The following SERPINB9 variants were observed in gnomAD, a reference collection of about 807,000 sequenced individuals.
SERPINB9 encodes serpin family B member 9, also known as serpin B9.
SERPINB9 carries 20 observed loss-of-function variants against 27.2 expected under a neutral mutation model. The ratio of observed to expected loss-of-function variants is 0.74; its 90% CI spans 0.52 to 1.07. The LOEUF (loss-of-function observed/expected upper bound fraction) is 1.07. Among genes scored for constraint, SERPINB9 ranks in the 50% least tolerant of loss-of-function variants. The pLI, the probability that SERPINB9 is intolerant of heterozygous loss-of-function variation, is 0.00. For synonymous variants in SERPINB9, 189 were observed against 180.0 expected (o/e 1.05, Z -0.40); for missense variants, 476 against 460.1 (o/e 1.03, Z -0.32).
In SERPINB9 at chr6:2,896,038, A is replaced by C. The variant is rs372431382; in HGVS notation, c.306+15T>G. ...TGTTGAATGCAACTTTTATTGTTCT[A>C]TTGATTCAACTTACTGAGAGGAACT... On this transcript the variant is annotated intron_variant, in intron 3 of 6. Transcript: ENST00000380698. The C allele has an allele frequency of 6.2e-7, 1 of 1,609,304 alleles. No individual in the cohort carries two copies.
chr6:2,892,544 T>C (rs997953140), intron 5 of SERPINB9, among the ~76,000 whole-genome samples: 1 of 152,154 alleles, frequency 6.6e-6, no homozygotes, highest in African/African-American at 2.4e-5. Flanking sequence ...ATAACTTTTT[T>C]AAAATACAGA....
At position 2,891,824 on chromosome 6, in the gene SERPINB9, G is replaced by A. The variant is rs201442974; in HGVS notation, c.723+9C>T. 8.8e-6 allele frequency: 14 copies of A among 1,584,766 alleles called. No homozygotes were observed. In the East Asian group the frequency reaches 1.1e-4, roughly 13 times the overall value. ...TGTCCCTGGGTTCTTCCCGCAGCCCGGGTCTTACCGTGCTGAGCTCCACGC... is the reference window on the plus strand; with the variant it reads ...TGTCCCTGGGTTCTTCCCGCAGCCCAGGTCTTACCGTGCTGAGCTCCACGC... On this transcript the variant is annotated intron_variant, in intron 6 of 6. Coordinates refer to ENST00000380698, the MANE Select transcript of SERPINB9 (RefSeq NM_004155.6). This position sits in a 1 kb window ranked among gnomAD's most constrained non-coding sequence, Gnocchi z 4.0.
At position 2,891,717 on chromosome 6, in the gene SERPINB9, G is replaced by A; in HGVS notation, c.723+116C>T. 8.1e-7 allele frequency: 1 copy of A among 1,239,634 alleles called. No homozygotes were observed. Among genetic ancestry groups the A allele is most frequent in the Non-Finnish European group, 1.1e-6 (1 of 904,228 alleles). The allele number at this position is 1,239,634 out of a possible 1,614,324, so 76.8% of individuals were successfully genotyped here. Reference sequence around the variant, plus strand: ...AGTTCGATCCCAACGCCAAGTGCCTGCACAGTGTGCGTCTGCCGCATCGCC... The same window carrying A: ...AGTTCGATCCCAACGCCAAGTGCCTACACAGTGTGCGTCTGCCGCATCGCC... On this transcript the variant is annotated intron_variant, in intron 6 of 6. Transcript: ENST00000380698. This position sits in a 1 kb window ranked among gnomAD's most constrained non-coding sequence, Gnocchi z 4.0.
chr6:2,900,885 T>TCTCTCTCACACACACACACA (rs61100591), intron 1 of SERPINB9, among the ~76,000 whole-genome samples: 276 of 141,558 alleles, frequency 1.9e-3, no homozygotes, highest in South Asian at 4.1e-3. Flanking sequence ...GCTCGCTCTC[T>TCTCTCTCACACACACACACA]CACACACACA....
chr6:2,892,105 TAAAAAA>T (rs535487251), intron 5 of SERPINB9, 117 bp from the exon 6 acceptor site: 36,023 of 113,838 alleles, frequency 0.32, 4,764 homozygotes, highest in Admixed American at 0.5. Flanking sequence ...CAGTTAACAC[TAAAAAA>T]AAAAAAAAAA....
chr6:2,899,470 A>AAAT (rs1768119879), intron 2 of SERPINB9, among the ~76,000 whole-genome samples: 2 of 152,194 alleles, frequency 1.3e-5, no homozygotes. Flanking sequence ...TTCGTTATTG[A>AAAT]TCTTTTTGCC....
At position 2,888,050 on chromosome 6, in the gene SERPINB9, T is replaced by C. The variant is rs1271353315; in HGVS notation, c.*2113A>G. 2 of 152,130 alleles carry C rather than the reference T, an allele frequency of 1.3e-5. No individual in the cohort carries two copies. The highest frequency in any genetic ancestry group is 2.9e-5 in the Non-Finnish European group (2 of 68,030). 9.4% of individuals were successfully genotyped at this position (152,130 alleles called of 1,614,324 possible). A position where few individuals can be genotyped will look rare whatever the true frequency, so the allele number is the denominator to read the frequency against. The stretch of plus-strand genomic sequence containing the variant: ...CATTATCTATCAAAGGGACTGGATG[T>C]CCCATCTAGTTTGTACTTTAGTTTC... On this transcript the variant is annotated 3_prime_UTR_variant, in exon 7 of 7. Transcript: ENST00000380698.
intron 2 of SERPINB9, 121 bp downstream of exon 2, chr6:2,900,323 G>T: frequency 1.6e-6 from 2 of 1,242,652 alleles, no homozygotes; most frequent in Non-Finnish European, 2.3e-6. Context: ...GAAACGGCCA[G>T]TGCACACTCG....
At position 2,895,567 on chromosome 6, in the gene SERPINB9, T is replaced by A. The variant is rs1049548373; in HGVS notation, c.307-59A>T. The A allele has an allele frequency of 6.8e-6, 7 of 1,022,562 alleles. No homozygotes were observed. In the Admixed American group the frequency reaches 1.5e-4, roughly 22 times the overall value. The allele number at this position is 1,022,562 out of a possible 1,614,324, so 63.3% of individuals were successfully genotyped here. On this transcript the variant is annotated intron_variant, in intron 3 of 6. Transcript: ENST00000380698. Reference sequence around the variant, plus strand: ...TGCTAAATACAAATGTCAGCAAACTTCCAAAAATTCTAAATATGTTATCTT... The same window carrying A: ...TGCTAAATACAAATGTCAGCAAACTACCAAAAATTCTAAATATGTTATCTT...
In SERPINB9 at chr6:2,902,398, C is replaced by T. The variant is rs540901166; in HGVS notation, c.-11+803G>A. ...CGCTGAGCCTGGCTCTGCAGATTCT[C>T]AGGACCCCATTCGTTTAGCTGAATT... is the stretch of plus-strand genomic sequence containing the variant. On this transcript the variant is annotated intron_variant, in intron 1 of 6. Transcript: ENST00000380698. Among the ~76,000 whole-genome samples, 59 of 151,718 alleles carry T rather than the reference C, an allele frequency of 3.9e-4. No homozygotes were observed. In the Middle Eastern group the frequency reaches 0.014, roughly 35 times the overall value.
rs1376323217 is a variant in SERPINB9 at position 2,889,681 on chromosome 6, A to C, written c.*482T>G. On this transcript the variant is annotated 3_prime_UTR_variant, in exon 7 of 7. Coordinates refer to ENST00000380698, the MANE Select transcript of SERPINB9 (RefSeq NM_004155.6). ...CTGCACTCCAGCCTGGGCGACAGAG[A>C]GCCAGACTGCGTCTCAGAAAAAAAA... The C allele has an allele frequency of 6.8e-6, 1 of 147,982 alleles. No individual in the cohort carries two copies. Among genetic ancestry groups the C allele is most frequent in the Non-Finnish European group, 1.5e-5 (1 of 67,356 alleles). The allele number at this position is 147,982 out of a possible 1,614,324, so 9.2% of individuals were successfully genotyped here.
intron 2 of SERPINB9, 132 bp downstream of exon 2, chr6:2,900,312 T>C: frequency 9.1e-7 from 1 of 1,103,554 alleles, no homozygotes; most frequent in South Asian, 1.5e-5. Context: ...CCCGCCTCCC[T>C]GAAACGGCCA....
At chr6:2,895,938 A>C in intron 3 of SERPINB9, 115 bp downstream of exon 3, 4 of 1,178,252 alleles carry the variant, frequency 3.4e-6, no homozygotes, top group Non-Finnish European at 4.6e-6. Context: ...AAAATAGTGC[A>C]ATTTTTTTAA....
At position 2,890,586 on chromosome 6, in the gene SERPINB9, TAGAC is replaced by T. The variant is rs1561642946; in HGVS notation, c.724-20_724-17del. 1 of 1,598,044 alleles carries T rather than the reference TAGAC, an allele frequency of 6.3e-7. No homozygotes were observed. The highest frequency in any genetic ancestry group is 1.7e-5 in the Admixed American group (1 of 58,606). ...TTTTTTCCACCTGAAAGACCAGAAT[TAGAC>T]TTTAAGATTCCGACTTCAGTGCACA... is the stretch of plus-strand genomic sequence containing the variant. On this transcript the variant is annotated splice_polypyrimidine_tract_variant and intron_variant, in intron 6 of 6. Transcript: ENST00000380698. This position sits in a 1 kb window ranked among gnomAD's most constrained non-coding sequence, Gnocchi z 6.2.
At chr6:2,898,813 C>CG (rs1768093281) in intron 2 of SERPINB9, among the ~76,000 whole-genome samples, 1 of 142,918 alleles carries the variant, frequency 7.0e-6, no homozygotes, top group African/African-American at 2.6e-5. Flanking sequence ...GACTCTGTCT[C>CG]GAAAAAAAAA....
chr6:2,895,476 A>G lies in SERPINB9; in HGVS notation c.339T>C (p.His113=), dbSNP rs771021853. 4.6e-5 allele frequency: 75 copies of G among 1,613,736 alleles called. No individual in the cohort carries two copies. Among genetic ancestry groups the G allele is most frequent in the Non-Finnish European group, 5.8e-5 (68 of 1,179,896 alleles). Residue 113 remains histidine, a synonymous_variant, in exon 4 of 7, where the codon CAT becomes CAC. Coordinates refer to ENST00000380698, the MANE Select transcript of SERPINB9 (RefSeq NM_004155.6). ...TAAAGGAAAGCTCCTTCAGCTCAGC[A>G]TGGTAGAATTGAAGACAGGATTCCT... is the stretch of plus-strand genomic sequence containing the variant. ...TFKESCLQFY[H]AELKELSFIR... is the part of the protein sequence containing the mutation.
intron 2 of SERPINB9, among the ~76,000 whole-genome samples, chr6:2,897,215 C>A (rs1336575765): frequency 6.6e-6 from 1 of 152,080 alleles, no homozygotes; most frequent in African/African-American, 2.4e-5. Flanking sequence ...CCTGTAATCC[C>A]AGCACTTTGG....
intron 3 of SERPINB9, 145 bp downstream of exon 3, chr6:2,895,908 G>T: frequency 1.2e-6 from 1 of 808,308 alleles, no homozygotes. Context: ...GCAACGTAGT[G>T]AGACCCCATC....
intron 4 of SERPINB9, 54 bp from the exon 5 acceptor site, chr6:2,893,607 A>G (rs1767899708): frequency 6.7e-7 from 1 of 1,485,402 alleles, no homozygotes. Context: ...AACCTGATGC[A>G]TTGGATGATC....
Sources: allele counts gnomAD v4.1 joint callset (sites outside exome capture counted in the v4.1 genomes callset), GRCh38; gene constraint gnomAD v4.1.1; non-coding constraint Gnocchi (gnomAD v3.1); transcripts MANE v1.5; gene names NCBI Gene and HGNC (gene_info 2026-07-23, HGNC 2026-07-21).